The following RBFOX1 variants were observed in gnomAD, a reference collection of about 807,000 sequenced individuals.
RBFOX1 encodes the protein RNA binding protein fox-1 homolog 1.
A neutral mutation model predicts 57.7 loss-of-function variants in RBFOX1; 8 were observed. The observed-to-expected ratio is 0.14, with a 90% CI of 0.08 to 0.25. The LOEUF is 0.25. Ranked by LOEUF, RBFOX1 falls within the 10% of genes least tolerant of loss-of-function variation. The pLI is 1.00. For missense variants in RBFOX1, 611 were observed against 548.5 expected (o/e 1.11, Z -1.14); for synonymous variants, 326 against 222.4 (o/e 1.47, Z -4.15).
intron 3 of RBFOX1, among the ~76,000 whole-genome samples, chr16:6,700,419 A>C (rs1224761669): frequency 1.3e-5 from 2 of 152,016 alleles, no homozygotes; most frequent in African/African-American, 4.8e-5. Flanking sequence ...GCACTTTGGG[A>C]GGCCGAAGCA....
intron 4 of RBFOX1, among the ~76,000 whole-genome samples, chr16:7,398,853 T>C (rs911566309): frequency 7.2e-5 from 11 of 152,218 alleles, no homozygotes; most frequent in African/African-American, 2.7e-4. Flanking sequence ...GTAATCCTTG[T>C]ACTAAAGTGG....
chr16:6,277,079 T>C (rs2075877341), intron 1 of RBFOX1, among the ~76,000 whole-genome samples: 1 of 152,156 alleles, frequency 6.6e-6, no homozygotes, highest in Non-Finnish European at 1.5e-5. Flanking sequence ...CTAAAAACAA[T>C]CCCATCTCAG....
chr16:5,373,726 C>A (rs1478775933), intron 1 of RBFOX1, among the ~76,000 whole-genome samples: 1 of 150,742 alleles, frequency 6.6e-6, no homozygotes, highest in African/African-American at 2.4e-5. Context: ...GTCTCAGCCT[C>A]CCAAGCAGCT....
intron 2 of RBFOX1, among the ~76,000 whole-genome samples, chr16:6,360,158 G>A (rs1187515589): frequency 6.6e-6 from 1 of 151,896 alleles, no homozygotes; most frequent in Non-Finnish European, 1.5e-5. Flanking sequence ...AAAAAATATA[G>A]ATTTCAGCCT....
intron 2 of RBFOX1, among the ~76,000 whole-genome samples, chr16:6,579,070 A>G (rs542822868): frequency 1.3e-5 from 2 of 152,288 alleles, no homozygotes; most frequent in Non-Finnish European, 2.9e-5. Context: ...ATTTTTGAAA[A>G]TATTTGCTCA....
chr16:7,054,425 C>A (rs2051332672), intron 4 of RBFOX1, among the ~76,000 whole-genome samples: 1 of 151,006 alleles, frequency 6.6e-6, no homozygotes, highest in Non-Finnish European at 1.5e-5. Context: ...GTACTTTTAG[C>A]AGAGATGGGG....
intron 5 of RBFOX1, among the ~76,000 whole-genome samples, chr16:7,538,329 C>G (rs1486717561): frequency 5.3e-5 from 8 of 152,148 alleles, no homozygotes; most frequent in Non-Finnish European, 1.0e-4. Flanking sequence ...GCCCCATTAG[C>G]CCATAGCTGC....
At chr16:6,232,751 A>C (rs557754738) in intron 1 of RBFOX1, among the ~76,000 whole-genome samples, 3 of 152,284 alleles carry the variant, frequency 2.0e-5, no homozygotes, top group African/African-American at 7.2e-5. Context: ...AAAACAGTTC[A>C]TTAATGCAGT....
At chr16:5,626,115 G>A (rs943071315) in intron 3 of RBFOX1, among the ~76,000 whole-genome samples, 13 of 152,066 alleles carry the variant, frequency 8.5e-5, no homozygotes, top group African/African-American at 2.9e-4. Flanking sequence ...CCTGACCTCG[G>A]GTGATCTGCC....
At chr16:7,088,837 C>T (rs933457880) in intron 4 of RBFOX1, among the ~76,000 whole-genome samples, 1 of 152,142 alleles carries the variant, frequency 6.6e-6, no homozygotes, top group African/African-American at 2.4e-5. Flanking sequence ...CGAGGTTCAA[C>T]TCAACCTCTG....
chr16:7,115,755 T>C (rs2065767269), intron 4 of RBFOX1, among the ~76,000 whole-genome samples: 1 of 152,216 alleles, frequency 6.6e-6, no homozygotes. Flanking sequence ...CTGCATTCTT[T>C]TCATCCCTAT....
chr16:7,164,637 C>T (rs142897524), intron 4 of RBFOX1, among the ~76,000 whole-genome samples: 1 of 152,310 alleles, frequency 6.6e-6, no homozygotes, highest in East Asian at 1.9e-4. Flanking sequence ...TCTGTGTATA[C>T]ACACACACAA....
At position 5,864,378 on chromosome 16, in the gene RBFOX1, AAG is replaced by A. The variant is rs539802940; in HGVS notation, c.319-2921_319-2920del. 4.2e-3 allele frequency among the ~76,000 whole-genome samples: 637 copies of A among 152,336 alleles called. 4 individuals are homozygous for A. Among genetic ancestry groups the A allele is most frequent in the Non-Finnish European group, 7.9e-3 (539 of 68,034 alleles). On this transcript the variant is annotated intron_variant, in intron 3 of 19. Coordinates refer to the RBFOX1 transcript ENST00000641259. ...GTAAACATCTTAAACAATTCAGGAA[AAG>A]AGAAAGTTGCCATTGACTTTTCTTC...
intron 1 of RBFOX1, among the ~76,000 whole-genome samples, chr16:6,151,017 G>C (rs1011562749): frequency 6.6e-6 from 1 of 152,138 alleles, no homozygotes; most frequent in Non-Finnish European, 1.5e-5. Flanking sequence ...CTTCCTTACA[G>C]ATTCAGAAAG....
chr16:7,397,212 G>A (rs1045609608), intron 4 of RBFOX1, among the ~76,000 whole-genome samples: 2 of 152,182 alleles, frequency 1.3e-5, no homozygotes, highest in Non-Finnish European at 2.9e-5. Context: ...TGTAGTAACA[G>A]GAAGAGATTT....
At chr16:6,955,333 G>A (rs9932425) in intron 3 of RBFOX1, among the ~76,000 whole-genome samples, 1 of 150,850 alleles carries the variant, frequency 6.6e-6, no homozygotes, top group African/African-American at 2.5e-5. Flanking sequence ...TCACCTTTAA[G>A]CCTTCCCCAC....
In RBFOX1 at chr16:5,946,612, T is replaced by C. The variant is rs2059405236; in HGVS notation, c.351+79277T>C. The stretch of plus-strand genomic sequence containing the variant: ...CTTTACGATATACCGGTAATAGTAA[T>C]TTCCTAAATTCTGTGAGCCGTGCTA... On this transcript the variant is annotated intron_variant, in intron 4 of 19. Transcript: ENST00000641259. This position sits in a 1 kb window ranked among gnomAD's most constrained non-coding sequence, Gnocchi z 4.6. Among the ~76,000 whole-genome samples, 1 of 152,192 alleles carries C rather than the reference T, an allele frequency of 6.6e-6. No homozygotes were observed. Among genetic ancestry groups the C allele is most frequent in the Admixed American group, 6.5e-5 (1 of 15,288 alleles).
intron 1 of RBFOX1, among the ~76,000 whole-genome samples, chr16:5,371,520 C>A (rs1325762875): frequency 2.6e-5 from 4 of 152,202 alleles, no homozygotes; most frequent in Non-Finnish European, 4.4e-5. Context: ...TAAGCCACCC[C>A]ACCTGTGACA....
chr16:6,993,449 C>G (rs924429474), intron 3 of RBFOX1, among the ~76,000 whole-genome samples: 1 of 152,144 alleles, frequency 6.6e-6, no homozygotes, highest in East Asian at 1.9e-4. Context: ...GCTGAGGGAT[C>G]CATCAGAGTG....
Sources: allele counts gnomAD v4.1 joint callset (sites outside exome capture counted in the v4.1 genomes callset), GRCh38; gene constraint gnomAD v4.1.1; non-coding constraint Gnocchi (gnomAD v3.1); transcripts MANE v1.5; gene names NCBI Gene and HGNC (gene_info 2026-07-23, HGNC 2026-07-21).